The following MYO9B variants were observed in gnomAD, a reference collection of about 807,000 sequenced individuals.
The protein encoded by MYO9B is unconventional myosin-IXb.
In MYO9B, 71 loss-of-function variants were observed where a neutral mutation model predicts 229.5. That is an observed-to-expected ratio of 0.31 (90% confidence interval 0.26 to 0.38). MYO9B has a LOEUF of 0.38. Among genes scored for constraint, MYO9B ranks in the 10% least tolerant of loss-of-function variants. The probability of loss-of-function intolerance (pLI) is 1.00; values close to 1 mark genes in which losing one functional copy is unlikely to be tolerated. For synonymous variants in MYO9B, 1,185 were observed against 1,235.8 expected (o/e 0.96, Z 0.86); for missense variants, 2,255 against 2,920.5 (o/e 0.77, Z 5.25).
chr19:17,139,587 A>G (rs925898760), intron 2 of MYO9B, among the ~76,000 whole-genome samples: 5 of 152,102 alleles, frequency 3.3e-5, no homozygotes, highest in Non-Finnish European at 5.9e-5. Context: ...TCTACAAGAA[A>G]ATAAGCCAGG....
At chr19:17,187,308 G>A (rs1466986486) in intron 18 of MYO9B, among the ~76,000 whole-genome samples, 3 of 152,084 alleles carry the variant, frequency 2.0e-5, no homozygotes, top group African/African-American at 2.4e-5. Flanking sequence ...GGCTTTGTCC[G>A]CCCCATCACC....
intron 2 of MYO9B, among the ~76,000 whole-genome samples, chr19:17,115,131 G>A (rs1052862706): frequency 6.6e-6 from 1 of 152,060 alleles, no homozygotes; most frequent in Non-Finnish European, 1.5e-5. Context: ...TGGGACTACA[G>A]CCACGTGCCA....
chr19:17,163,832 A>C (rs565039692), intron 10 of MYO9B, among the ~76,000 whole-genome samples: 1 of 152,188 alleles, frequency 6.6e-6, no homozygotes, highest in Admixed American at 6.5e-5. Flanking sequence ...AAGGCTGAGT[A>C]ATATTCCATT....
At chr19:17,180,807 C>A in intron 14 of MYO9B, 120 bp from the exon 15 acceptor site, 1 of 618,692 alleles carries the variant, frequency 1.6e-6, no homozygotes, top group Non-Finnish European at 2.9e-6. Flanking sequence ...CCCCCAGCTG[C>A]ATGTTTTGGC....
intron 1 of MYO9B, among the ~76,000 whole-genome samples, chr19:17,076,882 C>G (rs2057490221): frequency 6.6e-6 from 1 of 152,164 alleles, no homozygotes; most frequent in Non-Finnish European, 1.5e-5. Context: ...AAACGACATA[C>G]AGGAAATCTG....
chr19:17,126,902 T>TCCACCCCCAACC (rs2072125362), intron 2 of MYO9B, among the ~76,000 whole-genome samples: 1 of 103,046 alleles, frequency 9.7e-6, no homozygotes, highest in Non-Finnish European at 2.0e-5. Context: ...GACCTTGTGA[T>TCCACCCCCAACC]CCACCCCCAC....
At chr19:17,089,620 C>T (rs1228838010) in intron 1 of MYO9B, among the ~76,000 whole-genome samples, 1 of 151,876 alleles carries the variant, frequency 6.6e-6, no homozygotes, top group African/African-American at 2.4e-5. Flanking sequence ...TGTTTTTTTT[C>T]GTTGTCATGC....
intron 2 of MYO9B, among the ~76,000 whole-genome samples, chr19:17,122,794 CTT>C (rs1279710759): frequency 6.6e-6 from 1 of 152,064 alleles, no homozygotes; most frequent in Non-Finnish European, 1.5e-5. Context: ...ATGCTGGTAA[CTT>C]TAAATGACAT....
intron 1 of MYO9B, among the ~76,000 whole-genome samples, chr19:17,087,441 G>C (rs969936815): frequency 2.0e-5 from 3 of 152,300 alleles, no homozygotes; most frequent in African/African-American, 7.2e-5. Flanking sequence ...AGTCACGAGA[G>C]AGCATTTGGG....
chr19:17,210,816 C>T lies in MYO9B; in HGVS notation c.5898C>T (p.Leu1966=), dbSNP rs2073218965. 2.5e-6 allele frequency: 4 copies of T among 1,598,220 alleles called. No homozygotes were observed. Among genetic ancestry groups the T allele is most frequent in the Non-Finnish European group, 3.4e-6 (4 of 1,173,032 alleles). The change falls in exon 38 of 40, where the codon CTC becomes CTT. Residue 1966 remains leucine, a synonymous_variant. Coordinates refer to ENST00000682292, the MANE Select transcript of MYO9B (RefSeq NM_004145.4). ...GGDEDREKEI[L]IERIQSIKEE... Reference sequence around the variant, plus strand: ...ATGAGGACCGGGAAAAGGAGATTCTCATTGAACGGATCCAGTCCATCAAGG... The same window carrying T: ...ATGAGGACCGGGAAAAGGAGATTCTTATTGAACGGATCCAGTCCATCAAGG...
intron 13 of MYO9B, among the ~76,000 whole-genome samples, chr19:17,174,656 C>T (rs568537200): frequency 2.0e-4 from 30 of 151,078 alleles, no homozygotes; most frequent in African/African-American, 6.8e-4. Context: ...ATAAATAGGC[C>T]GGACACGGTG....
At chr19:17,146,944 T>C (rs1345716096) in intron 3 of MYO9B, among the ~76,000 whole-genome samples, 2 of 152,244 alleles carry the variant, frequency 1.3e-5, no homozygotes, top group Non-Finnish European at 2.9e-5. Flanking sequence ...ATATTCAAGA[T>C]ACAAACAGGC....
chr19:17,166,174 C>G (rs2072657538), intron 10 of MYO9B, among the ~76,000 whole-genome samples: 1 of 152,150 alleles, frequency 6.6e-6, no homozygotes, highest in Non-Finnish European at 1.5e-5. Flanking sequence ...TCCCCAGTAG[C>G]TGGGGTCACA....
chr19:17,141,320 C>T (rs576861020), intron 2 of MYO9B, among the ~76,000 whole-genome samples: 10 of 152,234 alleles, frequency 6.6e-5, no homozygotes, highest in African/African-American at 7.2e-5. Flanking sequence ...ACTGTGGCCT[C>T]GCTCTCTCCT....
At chr19:17,094,083 T>C (rs547341065) in intron 1 of MYO9B, among the ~76,000 whole-genome samples, 1 of 151,876 alleles carries the variant, frequency 6.6e-6, no homozygotes, top group East Asian at 1.9e-4. Context: ...TTCCCCGGGC[T>C]GGAGTGCAAT....
At chr19:17,125,025 T>C (rs80329697) in intron 2 of MYO9B, among the ~76,000 whole-genome samples, 10,068 of 151,908 alleles carry the variant, frequency 0.066, 524 homozygotes, top group African/African-American at 0.14. Flanking sequence ...TGAGGCCAGC[T>C]GCGGTGGCTC....
intron 15 of MYO9B, among the ~76,000 whole-genome samples, chr19:17,182,985 G>A (rs560556798): frequency 6.3e-4 from 96 of 151,672 alleles, no homozygotes; most frequent in South Asian, 3.6e-3. Context: ...GCAGTGGCAC[G>A]ATCTCGGCTC....
Position 17,145,495 on chromosome 19 carries a change from A to C in MYO9B, c.935+4A>C. The C allele has an allele frequency of 6.2e-7, 1 of 1,613,452 alleles. No homozygotes were observed. Among genetic ancestry groups the C allele is most frequent in the Non-Finnish European group, 8.5e-7 (1 of 1,179,442 alleles). On this transcript the variant is annotated splice_donor_region_variant and intron_variant, in intron 3 of 39. Transcript: ENST00000682292. ...TAGAGAGTGGCATCGTGAGAGGGTG[A>C]GGTGTCCCTGGGGTCCCCACTGGTG...
intron 1 of MYO9B, among the ~76,000 whole-genome samples, chr19:17,095,056 T>C (rs1319717674): frequency 1.3e-5 from 2 of 152,168 alleles, no homozygotes; most frequent in Non-Finnish European, 2.9e-5. Flanking sequence ...CTGGCCAACA[T>C]GGCGAAACTC....
Sources: gnomAD v4.1 joint callset for allele counts (sites outside exome capture counted in the v4.1 genomes callset) on GRCh38, gnomAD v4.1.1 for gene constraint, MANE v1.5 for transcripts, NCBI Gene and HGNC (gene_info 2026-07-23, HGNC 2026-07-21) for gene names.